ITPK1: variants seen among roughly 807,000 people sequenced by gnomAD.
ITPK1 encodes inositol 1,3,4-trisphosphate 5/6-kinase.
Under a neutral mutation model 45.3 loss-of-function variants are expected in ITPK1, and 21 were observed. The ratio of observed to expected loss-of-function variants is 0.46; its 90% confidence interval spans 0.33 to 0.67. The LOEUF (loss-of-function observed/expected upper bound fraction) is 0.67, where lower values mean the gene tolerates loss of function less well. ITPK1 is among the 30% of genes least tolerant of loss of function. The pLI is 0.02. For synonymous variants in ITPK1, 258 were observed against 253.6 expected (o/e 1.02, Z -0.16); for missense variants, 474 against 573.5 (o/e 0.83, Z 1.77).
intron 5 of ITPK1, among the ~76,000 whole-genome samples, chr14:92,963,339 C>T (rs567574711): frequency 2.6e-5 from 4 of 152,318 alleles, no homozygotes; most frequent in African/African-American, 7.2e-5. Context: ...GGCGCTGTAC[C>T]GAGGGCTTTG....
At chr14:93,082,507 C>A (rs1468611722) in intron 2 of ITPK1, among the ~76,000 whole-genome samples, 3 of 152,236 alleles carry the variant, frequency 2.0e-5, no homozygotes, top group Non-Finnish European at 2.9e-5. Flanking sequence ...ACTCATCCCA[C>A]ACGGGCTTTA....
intron 3 of ITPK1, among the ~76,000 whole-genome samples, chr14:93,041,427 TG>T (rs1469280824): frequency 2.6e-5 from 4 of 152,334 alleles, no homozygotes; most frequent in South Asian, 4.1e-4. Context: ...GGTTCTGGGA[TG>T]TGAGCACCAG....
intron 2 of ITPK1, among the ~76,000 whole-genome samples, chr14:93,106,795 C>A (rs1253936985): frequency 6.6e-6 from 1 of 152,148 alleles, no homozygotes; most frequent in East Asian, 1.9e-4. Flanking sequence ...TGCCCACAAG[C>A]CCCTCCGGAA....
At chr14:92,982,781 T>C (rs1886297540) in intron 5 of ITPK1, among the ~76,000 whole-genome samples, 3 of 152,176 alleles carry the variant, frequency 2.0e-5, no homozygotes, top group Admixed American at 2.0e-4. Flanking sequence ...AATTGTGATA[T>C]TTGGAGTCAC....
intron 5 of ITPK1, among the ~76,000 whole-genome samples, chr14:92,964,807 T>G (rs1885262679): frequency 1.3e-5 from 2 of 152,196 alleles, no homozygotes; most frequent in African/African-American, 4.8e-5. Context: ...AATGCCCTCC[T>G]CAACTGTCCC....
At chr14:92,987,088 G>A (rs1886523104) in intron 5 of ITPK1, among the ~76,000 whole-genome samples, 1 of 152,230 alleles carries the variant, frequency 6.6e-6, no homozygotes, top group African/African-American at 2.4e-5. Flanking sequence ...AACCTCTCCA[G>A]GAAAAGCTGA....
intron 3 of ITPK1, among the ~76,000 whole-genome samples, chr14:93,061,690 C>A (rs529638405): frequency 6.6e-6 from 1 of 152,284 alleles, no homozygotes; most frequent in South Asian, 2.1e-4. Flanking sequence ...CTCCTACAGA[C>A]TACAAAAACA....
chr14:93,008,512 G>C (rs758393481), intron 4 of ITPK1, among the ~76,000 whole-genome samples: 4 of 152,250 alleles, frequency 2.6e-5, no homozygotes, highest in Non-Finnish European at 5.9e-5. Flanking sequence ...CCAGATCCAG[G>C]GCTGGCTGCC....
At chr14:93,025,539 G>A (rs115511825) in intron 3 of ITPK1, among the ~76,000 whole-genome samples, 1,528 of 152,198 alleles carry the variant, frequency 0.01, 27 homozygotes, top group African/African-American at 0.035. Flanking sequence ...GTGCATCTGT[G>A]TATGTTTTCC....
At chr14:93,066,467 C>T (rs1281802877) in intron 3 of ITPK1, 4 of 321,126 alleles carry the variant, frequency 1.2e-5, no homozygotes, top group South Asian at 4.6e-5. Context: ...TTCAGTGGCG[C>T]GATCTCGGCT....
chr14:93,035,249 C>T (rs1441431185), intron 3 of ITPK1, among the ~76,000 whole-genome samples: 1 of 152,224 alleles, frequency 6.6e-6, no homozygotes, highest in African/African-American at 2.4e-5. Context: ...CAGGGATGGC[C>T]TCAAGGGCAG....
chr14:93,029,288 G>A (rs890801263), intron 3 of ITPK1, among the ~76,000 whole-genome samples: 6 of 152,036 alleles, frequency 3.9e-5, no homozygotes, highest in East Asian at 1.9e-4. Flanking sequence ...CACACTGCCC[G>A]CCCCTCACCT....
rs149828423 is a variant in ITPK1, at chr14:92,937,954, AGTTT to A, written c.*3603_*3606del. The A allele has an allele frequency of 5.6e-3, 880 of 156,684 alleles. 11 individuals are homozygous for A. The highest frequency in any genetic ancestry group is 0.015 in the South Asian group (78 of 5,172). The allele number at this position is 156,684 out of a possible 1,614,324, so 9.7% of individuals were successfully genotyped here. A position where few individuals can be genotyped will look rare whatever the true frequency, so the allele number is the denominator to read the frequency against. The stretch of plus-strand genomic sequence containing the variant: ...GGGATCCCACCGGGTGAATGATCAG[AGTTT>A]GTTTGTTTGTTTGTTTGTTTTTTGA... On this transcript the variant is annotated 3_prime_UTR_variant, in exon 11 of 11. Transcript: ENST00000267615.
chr14:93,001,694 A>G (rs1887362286), intron 4 of ITPK1, among the ~76,000 whole-genome samples: 1 of 152,184 alleles, frequency 6.6e-6, no homozygotes, highest in South Asian at 2.1e-4. Context: ...AAGAACTGAA[A>G]TTACTTCCTT....
At chr14:93,068,907 G>A (rs983210646) in intron 3 of ITPK1, 1 of 152,232 alleles carries the variant, frequency 6.6e-6, no homozygotes, top group African/African-American at 2.4e-5. Context: ...GGCCTCCGCT[G>A]CCTGCACTCA....
chr14:92,948,432 C>T (rs1360953289), intron 9 of ITPK1, among the ~76,000 whole-genome samples: 1 of 152,206 alleles, frequency 6.6e-6, no homozygotes, highest in Non-Finnish European at 1.5e-5. Context: ...CGGCTCACTG[C>T]AGCCTTGAAC....
rs749771935 is a variant in ITPK1 at position 92,993,864 on chromosome 14, C to T, written c.364+16G>A. 3.9e-6 allele frequency: 6 copies of T among 1,522,592 alleles called. No homozygotes were observed. The highest frequency in any genetic ancestry group is 5.5e-6 in the Non-Finnish European group (6 of 1,096,570). 94.3% of individuals were successfully genotyped at this position (1,522,592 alleles called of 1,614,324 possible). ...GTGGCTGCCTGCCACGGATGTGGTG[C>T]CACACGTGTCCCTACCTTCCATGTA... is the stretch of plus-strand genomic sequence containing the variant. On this transcript the variant is annotated intron_variant, in intron 5 of 10. Transcript: ENST00000267615.
chr14:93,045,837 A>G (rs956775805), intron 3 of ITPK1, among the ~76,000 whole-genome samples: 2 of 152,154 alleles, frequency 1.3e-5, no homozygotes, highest in Admixed American at 1.3e-4. Flanking sequence ...ACCCTGGGCC[A>G]GAACTGCCAG....
At position 93,066,305 on chromosome 14, in the gene ITPK1, CAT is replaced by C. The variant is rs1491319908; in HGVS notation, c.120+10288_120+10289del. The C allele has an allele frequency of 2.2e-5, 10 of 450,028 alleles. No homozygotes were observed. The East Asian group carries it at 4.9e-4, about 22-fold the overall frequency. 27.9% of individuals were successfully genotyped at this position (450,028 alleles called of 1,614,324 possible). A position where few individuals can be genotyped will look rare whatever the true frequency, so the allele number is the denominator to read the frequency against. On this transcript the variant is annotated intron_variant, in intron 3 of 10. Transcript: ENST00000267615. ...TGGTGTGCGTGCGTGTGTGCGCGTG[CAT>C]GTGTGTGTGTGTATGTGTGTGTGTG...
Sources: gnomAD v4.1 joint callset for allele counts (sites outside exome capture counted in the v4.1 genomes callset) on GRCh38, gnomAD v4.1.1 for gene constraint, MANE v1.5 for transcripts, NCBI Gene and HGNC (gene_info 2026-07-23, HGNC 2026-07-21) for gene names.